TRAPPC9: variants seen among roughly 807,000 people sequenced by gnomAD.
TRAPPC9 encodes IKK2 binding protein.
TRAPPC9 carries 83 observed loss-of-function variants against 124.0 expected under a neutral mutation model. That is an observed-to-expected ratio of 0.67 (90% confidence interval 0.56 to 0.80). The LOEUF (loss-of-function observed/expected upper bound fraction) is 0.80, where lower values mean the gene tolerates loss of function less well. TRAPPC9 is among the 30% of genes least tolerant of loss of function. The pLI, the probability that TRAPPC9 is intolerant of heterozygous loss-of-function variation, is 0.00. For synonymous variants in TRAPPC9, 638 were observed against 617.5 expected, an observed-to-expected ratio of 1.03 and a Z score of -0.49; for missense variants, 1,302 against 1,508.3, an observed-to-expected ratio of 0.86 and a Z score of 2.27.
chr8:140,023,983 C>G lies in TRAPPC9; in HGVS notation c.2653G>C (p.Glu885Gln). The change falls in exon 18 of 23, where the codon GAG (glutamate) becomes CAG (glutamine). Residue 885 changes from glutamate to glutamine, a missense_variant. Coordinates refer to ENST00000438773, the MANE Select transcript of TRAPPC9 (RefSeq NM_001160372.4). ...ACTCGGGTGAAAAATACAGACGGCTCGACTTCTACATGCAGCCCCAGGGAG... is the reference window on the plus strand; with the variant it reads ...ACTCGGGTGAAAAATACAGACGGCTGGACTTCTACATGCAGCCCCAGGGAG... ...NLSLGLHVEV[E>Q]PSVFFTRVST... is the part of the protein sequence containing the mutation. 1 of 1,614,060 alleles carries G rather than the reference C, an allele frequency of 6.2e-7. No individual in the cohort carries two copies. Among genetic ancestry groups the G allele is most frequent in the South Asian group, 1.1e-5 (1 of 91,072 alleles).
chr8:140,383,211 GA>G (rs1339391052), intron 7 of TRAPPC9, among the ~76,000 whole-genome samples: 4 of 152,120 alleles, frequency 2.6e-5, no homozygotes, highest in Admixed American at 1.3e-4. Flanking sequence ...CAAAGATGGG[GA>G]AAAAACAGAG....
upstream of TRAPPC9, chr8:140,458,399 C>T: frequency 1.3e-6 from 2 of 1,597,734 alleles, no homozygotes; most frequent in African/African-American, 1.3e-5. Context: ...CGGTACCCCC[C>T]GTGACTCCCA....
At chr8:140,058,511 T>C (rs746191590) in intron 17 of TRAPPC9, among the ~76,000 whole-genome samples, 6 of 152,174 alleles carry the variant, frequency 3.9e-5, no homozygotes, top group African/African-American at 9.7e-5. Flanking sequence ...GGGCTAGCTG[T>C]GCACCCGGAA....
chr8:139,922,730 G>A (rs1158154103), intron 19 of TRAPPC9, among the ~76,000 whole-genome samples: 2 of 152,192 alleles, frequency 1.3e-5, no homozygotes, highest in Non-Finnish European at 2.9e-5. Context: ...AGGTTCCCAA[G>A]GAAAAGTGCA....
rs191483997 is a variant in TRAPPC9 at position 139,984,274 on chromosome 8, A to T, written c.2810+4452T>A. Among the ~76,000 whole-genome samples, 76 of 152,190 alleles carry T rather than the reference A, an allele frequency of 5.0e-4. 1 individual carries two copies. Among genetic ancestry groups the T allele is most frequent in the Non-Finnish European group, 8.5e-4 (58 of 67,998 alleles). The stretch of plus-strand genomic sequence containing the variant: ...CTATCTGCAGAGAAAAGTTCTGTGC[A>T]CCTGCCTCCCTCCCAGGTAGCAGTG... On this transcript the variant is annotated intron_variant, in intron 19 of 22. Transcript: ENST00000438773. This position sits in a 1 kb window ranked among gnomAD's most constrained non-coding sequence, Gnocchi z 4.3.
At chr8:139,816,424 G>A (rs1361241712) in intron 21 of TRAPPC9, among the ~76,000 whole-genome samples, 1 of 152,246 alleles carries the variant, frequency 6.6e-6, no homozygotes, top group Non-Finnish European at 1.5e-5. Context: ...AATGCTGGGT[G>A]TGTTGCAGCA....
chr8:140,105,398 G>A (rs973916811), intron 17 of TRAPPC9, among the ~76,000 whole-genome samples: 2 of 152,146 alleles, frequency 1.3e-5, no homozygotes, highest in African/African-American at 4.8e-5. Flanking sequence ...TGGGCTGGTC[G>A]GATGGTTCCT....
chr8:140,223,230 C>T (rs2063377700), intron 16 of TRAPPC9, among the ~76,000 whole-genome samples: 1 of 152,154 alleles, frequency 6.6e-6, no homozygotes, highest in African/African-American at 2.4e-5. Context: ...TCCATGTGTT[C>T]TCATTGTTCA....
chr8:140,429,945 G>C (rs2070574763), intron 4 of TRAPPC9, among the ~76,000 whole-genome samples: 1 of 152,040 alleles, frequency 6.6e-6, no homozygotes, highest in Non-Finnish European at 1.5e-5. Context: ...TCAGGAGTTC[G>C]AGACCAGCTT....
At chr8:140,404,790 A>G (rs1255850386) in intron 6 of TRAPPC9, among the ~76,000 whole-genome samples, 4 of 143,318 alleles carry the variant, frequency 2.8e-5, no homozygotes, top group Admixed American at 2.1e-4. Flanking sequence ...GCATGCTTGT[A>G]TGTATGTGTG....
Position 140,190,383 on chromosome 8 carries a change from G to A in TRAPPC9, c.2556+31076C>T, listed in dbSNP as rs573784522. Among the ~76,000 whole-genome samples, 36 of 152,262 alleles carry A rather than the reference G, an allele frequency of 2.4e-4. No homozygotes were observed. The South Asian group carries it at 6.4e-3, about 27-fold the overall frequency. ...TGAGGCAGGAGAAGTGCTTGAACTC[G>A]GGAGCCGGAGGTTGCAGTGAGCCAA... On this transcript the variant is annotated intron_variant, in intron 17 of 22. Coordinates refer to ENST00000438773, the MANE Select transcript of TRAPPC9 (RefSeq NM_001160372.4).
chr8:140,065,550 A>G (rs1477155097), intron 17 of TRAPPC9, among the ~76,000 whole-genome samples: 1 of 152,198 alleles, frequency 6.6e-6, no homozygotes. Flanking sequence ...GGTGACTTGA[A>G]TTTAAAGCCA....
intron 15 of TRAPPC9, among the ~76,000 whole-genome samples, chr8:140,255,736 A>C (rs899189996): frequency 5.9e-5 from 9 of 152,158 alleles, no homozygotes; most frequent in Non-Finnish European, 7.4e-5. Flanking sequence ...AAATACAAAA[A>C]TTAGCTGGGC....
intron 21 of TRAPPC9, among the ~76,000 whole-genome samples, chr8:139,735,255 C>T (rs1171247876): frequency 6.6e-6 from 1 of 152,222 alleles, no homozygotes; most frequent in Non-Finnish European, 1.5e-5. Flanking sequence ...AATTCTAATG[C>T]TAACAGTTGT....
intron 8 of TRAPPC9, among the ~76,000 whole-genome samples, chr8:140,363,387 T>C (rs2068013204): frequency 6.6e-6 from 1 of 152,202 alleles, no homozygotes; most frequent in South Asian, 2.1e-4. Context: ...GCCTTTTATT[T>C]ACAGGTACAG....
chr8:140,390,174 G>A (rs942945756), intron 7 of TRAPPC9, among the ~76,000 whole-genome samples: 3 of 152,026 alleles, frequency 2.0e-5, no homozygotes, highest in Non-Finnish European at 2.9e-5. Flanking sequence ...CAGTAGTGGC[G>A]GGTGCCAGTA....
At chr8:139,740,344 G>A (rs894497565) in intron 21 of TRAPPC9, among the ~76,000 whole-genome samples, 2 of 152,250 alleles carry the variant, frequency 1.3e-5, no homozygotes, top group Non-Finnish European at 2.9e-5. Flanking sequence ...CGGGCTATAA[G>A]TAAAGGCTGT....
At chr8:139,864,169 G>T (rs1316858468) in intron 21 of TRAPPC9, among the ~76,000 whole-genome samples, 1 of 152,152 alleles carries the variant, frequency 6.6e-6, no homozygotes, top group Non-Finnish European at 1.5e-5. Flanking sequence ...CCTTGGATGA[G>T]GCATCCAAGA....
At chr8:139,801,866 C>T (rs1394103019) in intron 21 of TRAPPC9, among the ~76,000 whole-genome samples, 6 of 152,228 alleles carry the variant, frequency 3.9e-5, no homozygotes, top group African/African-American at 1.4e-4. Flanking sequence ...TGCCTGTCAA[C>T]AATCTGCGCC....
Sources: gnomAD v4.1 joint callset for allele counts (sites outside exome capture counted in the v4.1 genomes callset) on GRCh38, gnomAD v4.1.1 for gene constraint, Gnocchi (gnomAD v3.1) non-coding constraint, MANE v1.5 for transcripts, NCBI Gene and HGNC (gene_info 2026-07-23, HGNC 2026-07-21) for gene names.